CD33: variants seen among roughly 807,000 people sequenced by gnomAD.
CD33 encodes CD33 molecule, also known as myeloid cell surface antigen CD33.
In CD33, 25 loss-of-function variants were observed where a neutral mutation model predicts 31.4. The ratio of observed to expected loss-of-function variants is 0.80; its 90% CI spans 0.58 to 1.11. The LOEUF (loss-of-function observed/expected upper bound fraction) is 1.11. Ranked by LOEUF, CD33 falls within the 50% of genes most tolerant of loss-of-function variation. The pLI, the probability that CD33 is intolerant of heterozygous loss-of-function variation, is 0.00. For synonymous variants in CD33, 176 were observed against 180.6 expected, an observed-to-expected ratio of 0.97 and a Z score of 0.20; for missense variants, 407 against 448.1, an observed-to-expected ratio of 0.91 and a Z score of 0.83.
the CD33 span, among the ~76,000 whole-genome samples, chr19:51,218,602 C>T: frequency 1.3e-5 from 2 of 152,084 alleles, no homozygotes; most frequent in Admixed American, 6.6e-5. Context: ...TCTTTGCCTA[C>T]GCCAATGTCC....
chr19:51,228,927 T>C (rs1215447171), intron 4 of CD33, among the ~76,000 whole-genome samples: 2 of 152,204 alleles, frequency 1.3e-5, no homozygotes, highest in African/African-American at 4.8e-5. Flanking sequence ...GGCTAGGACT[T>C]TCAGTACTAT....
At chr19:51,230,938 C>T (rs1981362403) in intron 4 of CD33, among the ~76,000 whole-genome samples, 1 of 152,092 alleles carries the variant, frequency 6.6e-6, no homozygotes, top group Admixed American at 6.6e-5. Context: ...TGCCACACTG[C>T]AATCTAAGCC....
the CD33 span, among the ~76,000 whole-genome samples, chr19:51,213,854 T>TTC: frequency 6.7e-6 from 1 of 149,284 alleles, no homozygotes; most frequent in African/African-American, 2.5e-5. Flanking sequence ...CTTTTTCTTT[T>TTC]TTTTTTTTTC....
At chr19:51,218,534 C>T in the CD33 span, among the ~76,000 whole-genome samples, 7 of 152,094 alleles carry the variant, frequency 4.6e-5, no homozygotes, top group Non-Finnish European at 8.8e-5. Context: ...AGTTTAATTA[C>T]ATCCTGTTTA....
intron 6 of CD33, chr19:51,238,890 G>A (rs75773078): frequency 0.056 from 8,548 of 152,428 alleles, 382 homozygotes; most frequent in Middle Eastern, 0.17. Flanking sequence ...CATGTTCCCT[G>A]TTTGTGTAGG....
intron 6 of CD33, 102 bp from the exon 7 acceptor site, chr19:51,239,416 A>C (rs921939066): frequency 1.5e-5 from 12 of 792,260 alleles, no homozygotes; most frequent in Non-Finnish European, 2.4e-5. Flanking sequence ...AGAGTGAATA[A>C]ATGTTCTGTC....
chr19:51,228,662 T>G (rs922449638), intron 4 of CD33, among the ~76,000 whole-genome samples: 54 of 144,236 alleles, frequency 3.7e-4, no homozygotes, highest in African/African-American at 1.4e-3. Flanking sequence ...TGTTAGAGTC[T>G]TTAGGTTTTT....
the CD33 span, among the ~76,000 whole-genome samples, chr19:51,216,731 G>A: frequency 7.9e-5 from 12 of 151,920 alleles, no homozygotes; most frequent in Non-Finnish European, 1.6e-4. Flanking sequence ...GCAATAGAAA[G>A]TATTTAACTA....
upstream of CD33, among the ~76,000 whole-genome samples, chr19:51,221,766 G>T (rs1196303706): frequency 2.6e-5 from 4 of 152,104 alleles, no homozygotes; most frequent in African/African-American, 9.7e-5. Context: ...CTCCTCAAAT[G>T]GTAAATGCAT....
At chr19:51,219,148 C>G in the CD33 span, among the ~76,000 whole-genome samples, 1 of 152,126 alleles carries the variant, frequency 6.6e-6, no homozygotes, top group Non-Finnish European at 1.5e-5. Context: ...TTCTTCTGAT[C>G]CATGAGCACG....
At chr19:51,224,400 C>G (rs543955570), upstream of CD33, among the ~76,000 whole-genome samples, 109 of 152,254 alleles carry the variant, frequency 7.2e-4, no homozygotes, top group Non-Finnish European at 1.3e-3. Context: ...AGACTCTCCC[C>G]CTACCTCCCT....
chr19:51,228,394 G>A (rs980532766), intron 4 of CD33, among the ~76,000 whole-genome samples: 1 of 152,106 alleles, frequency 6.6e-6, no homozygotes, highest in African/African-American at 2.4e-5. Context: ...GATGAGTAAG[G>A]AATGTCTTTC....
At chr19:51,233,456 C>G (rs925887058) in intron 4 of CD33, among the ~76,000 whole-genome samples, 3 of 152,182 alleles carry the variant, frequency 2.0e-5, no homozygotes, top group Admixed American at 6.5e-5. Flanking sequence ...TATTCAGCCA[C>G]TACTGCAGGT....
chr19:51,229,187 A>G (rs746564267), intron 4 of CD33, among the ~76,000 whole-genome samples: 4 of 152,206 alleles, frequency 2.6e-5, no homozygotes, highest in Non-Finnish European at 5.9e-5. Context: ...TGACATATGT[A>G]TAACATTTAT....
chr19:51,225,193 C>G, intron 1 of CD33, 25 bp from the exon 2 acceptor site: 1 of 1,613,254 alleles, frequency 6.2e-7, no homozygotes, highest in Non-Finnish European at 8.5e-7. Flanking sequence ...CGGGCTGGGC[C>G]GAGCTGACCC....
chr19:51,216,221 CGAGTGTGT>C, the CD33 span, among the ~76,000 whole-genome samples: 33,303 of 140,488 alleles, frequency 0.24, 4,561 homozygotes, highest in Admixed American at 0.35. Context: ...AAATGTCACC[CGAGTGTGT>C]GTGTGTGTGT....
intron 4 of CD33, among the ~76,000 whole-genome samples, chr19:51,229,529 T>C (rs1326837143): frequency 1.3e-5 from 2 of 152,104 alleles, no homozygotes; most frequent in African/African-American, 2.4e-5. Flanking sequence ...AGCCCTGGAA[T>C]TTTCTTTGTT....
At chr19:51,215,962 GCCTTGTCT>G in the CD33 span, among the ~76,000 whole-genome samples, 3 of 152,284 alleles carry the variant, frequency 2.0e-5, no homozygotes, top group South Asian at 6.2e-4. Flanking sequence ...AGTCTGAACA[GCCTTGTCT>G]CCTTGTTTCC....
the CD33 span, among the ~76,000 whole-genome samples, chr19:51,219,788 G>C: frequency 6.6e-6 from 1 of 152,092 alleles, no homozygotes; most frequent in Non-Finnish European, 1.5e-5. Flanking sequence ...ATGATTATAT[G>C]GTTTTTGCTT....
Sources: allele counts gnomAD v4.1 joint callset (sites outside exome capture counted in the v4.1 genomes callset), GRCh38; gene constraint gnomAD v4.1.1; transcripts MANE v1.5; gene names NCBI Gene and HGNC (gene_info 2026-07-23, HGNC 2026-07-21).